The following ALCAM variants were observed in gnomAD, a reference collection of about 807,000 sequenced individuals.
The protein encoded by ALCAM is activated leukocyte cell adhesion molecule.
In ALCAM, 30 loss-of-function variants were observed where a neutral mutation model predicts 70.9. That is an observed-to-expected ratio of 0.42 (90% CI 0.32 to 0.57). The LOEUF is 0.57. ALCAM is among the 20% of genes least tolerant of loss of function. The pLI, the probability that ALCAM is intolerant of heterozygous loss-of-function variation, is 0.11. For synonymous variants in ALCAM, 249 were observed against 242.5 expected, an observed-to-expected ratio of 1.03 and a Z score of -0.25; for missense variants, 591 against 695.1, an observed-to-expected ratio of 0.85 and a Z score of 1.68.
At chr3:105,570,721 T>A (rs987189391) in intron 14 of ALCAM, among the ~76,000 whole-genome samples, 2 of 152,248 alleles carry the variant, frequency 1.3e-5, no homozygotes, top group Admixed American at 6.5e-5. Context: ...TATAATCATA[T>A]GCACCATTAT....
At position 105,431,156 on chromosome 3, in the gene ALCAM, A is replaced by G. The variant is rs2107437356; in HGVS notation, c.73+63675A>G. Among the ~76,000 whole-genome samples, 3 of 151,994 alleles carry G rather than the reference A, an allele frequency of 2.0e-5. No homozygotes were observed. In the Middle Eastern group the frequency reaches 0.01, roughly 521 times the overall value. ...ATCCTTCGAAACAAAAAAAAAAAAA[A>G]GAGGAGACATGGTATATAATTTAGA... On this transcript the variant is annotated intron_variant, in intron 1 of 15. Coordinates refer to ENST00000306107, the MANE Select transcript of ALCAM (RefSeq NM_001627.4).
At chr3:105,533,981 T>G (rs1056713339) in intron 5 of ALCAM, among the ~76,000 whole-genome samples, 28 of 152,152 alleles carry the variant, frequency 1.8e-4, no homozygotes, top group African/African-American at 6.0e-4. Flanking sequence ...CTTGTTTTTC[T>G]GGAACTAGAC....
At chr3:105,571,313 G>C (rs1176605994) in intron 14 of ALCAM, among the ~76,000 whole-genome samples, 1 of 152,152 alleles carries the variant, frequency 6.6e-6, no homozygotes, top group Non-Finnish European at 1.5e-5. Flanking sequence ...CCACGTTAAA[G>C]TTGCTATAGC....
At chr3:105,386,847 C>T (rs1935670575) in intron 1 of ALCAM, among the ~76,000 whole-genome samples, 1 of 151,210 alleles carries the variant, frequency 6.6e-6, no homozygotes, top group African/African-American at 2.4e-5. Flanking sequence ...ATTCTTTTTC[C>T]AAGTATATTC....
chr3:105,418,249 CT>C (rs1936556157), intron 1 of ALCAM, among the ~76,000 whole-genome samples: 1 of 151,758 alleles, frequency 6.6e-6, no homozygotes, highest in Non-Finnish European at 1.5e-5. Context: ...AGAGGTAACT[CT>C]TTTGGTTTTA....
intron 1 of ALCAM, among the ~76,000 whole-genome samples, chr3:105,504,100 G>A (rs966245703): frequency 6.6e-6 from 1 of 152,162 alleles, no homozygotes; most frequent in Non-Finnish European, 1.5e-5. Flanking sequence ...AACACTATGA[G>A]CATGATACTA....
intron 11 of ALCAM, among the ~76,000 whole-genome samples, chr3:105,547,979 A>G (rs1456627128): frequency 6.6e-6 from 1 of 151,396 alleles, no homozygotes; most frequent in Non-Finnish European, 1.5e-5. Context: ...TCGTGTAGGA[A>G]TGGTGGAGAA....
chr3:105,461,197 C>T (rs1937599184), intron 1 of ALCAM, among the ~76,000 whole-genome samples: 1 of 151,758 alleles, frequency 6.6e-6, no homozygotes, highest in Admixed American at 6.6e-5. Context: ...AGCTATTAAG[C>T]TCTGGTTGAT....
At chr3:105,411,421 A>ATAGTAGCAGTGGAAGTGGTAG (rs1395094851) in intron 1 of ALCAM, among the ~76,000 whole-genome samples, 33 of 152,058 alleles carry the variant, frequency 2.2e-4, no homozygotes, top group Non-Finnish European at 4.3e-4. Context: ...AGTAGCAGTG[A>ATAGTAGCAGTGGAAGTGGTAG]TAGTAGCAGT....
At chr3:105,452,419 C>T (rs917952417) in intron 1 of ALCAM, among the ~76,000 whole-genome samples, 2 of 152,148 alleles carry the variant, frequency 1.3e-5, no homozygotes, top group African/African-American at 4.8e-5. Flanking sequence ...CTTTTTATGG[C>T]TGGATAGTCT....
chr3:105,540,934 G>A (rs1189683748), intron 7 of ALCAM, among the ~76,000 whole-genome samples: 1 of 151,902 alleles, frequency 6.6e-6, no homozygotes, highest in Admixed American at 6.6e-5. Flanking sequence ...ATTAATTGCT[G>A]TTTTTGTTTC....
In ALCAM at chr3:105,570,859, T is replaced by C. The variant is rs759086318; in HGVS notation, c.1665-993T>C. Among the ~76,000 whole-genome samples the C allele has an allele frequency of 2.6e-5, 4 of 152,108 alleles. No individual in the cohort carries two copies. The South Asian group carries it at 6.2e-4, about 24-fold the overall frequency. ...AACTATTATGTGAGAATTCAGGTTG[T>C]AGTAGCCTTTGGGCAGGAAGTAGAC... On this transcript the variant is annotated intron_variant, in intron 14 of 15. Coordinates refer to ENST00000306107, the MANE Select transcript of ALCAM (RefSeq NM_001627.4).
chr3:105,394,422 C>T (rs1326725480), intron 1 of ALCAM, among the ~76,000 whole-genome samples: 2 of 151,894 alleles, frequency 1.3e-5, no homozygotes, highest in African/African-American at 4.8e-5. Flanking sequence ...TTTCCTCCCA[C>T]GTGCCTAGGC....
intron 1 of ALCAM, among the ~76,000 whole-genome samples, chr3:105,478,857 T>C (rs1238972424): frequency 6.6e-6 from 1 of 152,122 alleles, no homozygotes; most frequent in South Asian, 2.1e-4. Context: ...GCATGAATGA[T>C]GATTTAGAGT....
intron 1 of ALCAM, among the ~76,000 whole-genome samples, chr3:105,486,223 G>C (rs1017173640): frequency 6.6e-6 from 1 of 152,058 alleles, no homozygotes; most frequent in Admixed American, 6.6e-5. Flanking sequence ...AGAGACACCC[G>C]TCCAAATTAT....
At chr3:105,418,948 C>T (rs1394224332) in intron 1 of ALCAM, among the ~76,000 whole-genome samples, 3 of 151,714 alleles carry the variant, frequency 2.0e-5, no homozygotes, top group Non-Finnish European at 4.4e-5. Flanking sequence ...TACAAATAAA[C>T]CTTCCTTATC....
At chr3:105,573,169 A>G (rs552005680) in intron 15 of ALCAM, among the ~76,000 whole-genome samples, 24 of 152,206 alleles carry the variant, frequency 1.6e-4, no homozygotes, top group African/African-American at 5.8e-4. Context: ...TCTACTAAAA[A>G]TACAAAAATT....
chr3:105,556,775 G>A (rs906269002), intron 14 of ALCAM, among the ~76,000 whole-genome samples: 2 of 151,970 alleles, frequency 1.3e-5, no homozygotes, highest in Non-Finnish European at 2.9e-5. Context: ...TCAGCTAAAA[G>A]CAAATATATG....
chr3:105,495,742 C>CA (rs1240937791), intron 1 of ALCAM, among the ~76,000 whole-genome samples: 13 of 151,964 alleles, frequency 8.6e-5, no homozygotes, highest in Non-Finnish European at 1.8e-4. Flanking sequence ...CCTATGGCTG[C>CA]AAATTAATGA....
Sources: allele counts gnomAD v4.1 joint callset (sites outside exome capture counted in the v4.1 genomes callset), GRCh38; gene constraint gnomAD v4.1.1; transcripts MANE v1.5; gene names NCBI Gene and HGNC (gene_info 2026-07-23, HGNC 2026-07-21).